The following SOS1 variants were observed in gnomAD, a reference collection of about 807,000 sequenced individuals.
The protein encoded by SOS1 is son of sevenless homolog 1.
SOS1 carries 25 observed loss-of-function variants against 157.6 expected under a neutral mutation model. The ratio of observed to expected loss-of-function variants is 0.16; its 90% CI spans 0.12 to 0.22. SOS1 has a LOEUF of 0.22. Ranked by LOEUF, SOS1 falls within the 10% of genes least tolerant of loss-of-function variation. The pLI, the probability that SOS1 is intolerant of heterozygous loss-of-function variation, is 1.00. For missense variants in SOS1, 1,237 were observed against 1,599.1 expected, an observed-to-expected ratio of 0.77 and a Z score of 3.86; for synonymous variants, 528 against 534.0, an observed-to-expected ratio of 0.99 and a Z score of 0.16.
chr2:39,067,861 G>A, intron 1 of SOS1, 108 bp from the exon 2 acceptor site: 1 of 945,712 alleles, frequency 1.1e-6, no homozygotes, highest in Non-Finnish European at 1.7e-6. Flanking sequence ...GCTCATGCCT[G>A]TAATGCCAGC....
At chr2:39,000,768 A>T (rs145683928) in intron 17 of SOS1, among the ~76,000 whole-genome samples, 1 of 152,172 alleles carries the variant, frequency 6.6e-6, no homozygotes, top group African/African-American at 2.4e-5. Flanking sequence ...TTATCTGTCT[A>T]TTCTTAGCAT....
intron 15 of SOS1, among the ~76,000 whole-genome samples, chr2:39,008,425 T>C (rs1041020039): frequency 6.6e-6 from 1 of 152,208 alleles, no homozygotes; most frequent in Non-Finnish European, 1.5e-5. Flanking sequence ...TAGCTCCTAA[T>C]TTCTTGTCAT....
At chr2:39,102,756 C>G (rs1673019881) in intron 1 of SOS1, among the ~76,000 whole-genome samples, 1 of 151,856 alleles carries the variant, frequency 6.6e-6, no homozygotes, top group Non-Finnish European at 1.5e-5. Context: ...ACCATCCTGG[C>G]CAACAAGGCA....
chr2:39,063,539 T>G (rs1361032205), intron 2 of SOS1, among the ~76,000 whole-genome samples: 1 of 152,236 alleles, frequency 6.6e-6, no homozygotes, highest in Admixed American at 6.5e-5. Flanking sequence ...CGATTAGTGA[T>G]TATTGGCTAC....
chr2:38,990,358 G>A (rs996689084), intron 20 of SOS1, among the ~76,000 whole-genome samples: 1 of 152,054 alleles, frequency 6.6e-6, no homozygotes, highest in Non-Finnish European at 1.5e-5. Flanking sequence ...TGATTCCTAA[G>A]TGTAGCAATC....
chr2:39,013,330 T>G, intron 13 of SOS1, 130 bp downstream of exon 13: 1 of 689,238 alleles, frequency 1.5e-6, no homozygotes, highest in Admixed American at 2.5e-5. Flanking sequence ...AATTTTTAAC[T>G]TTTTGAAATG....
At chr2:39,024,237 C>CCAT (rs2124539894) in intron 8 of SOS1, 100 bp from the exon 9 acceptor site, 1 of 1,010,396 alleles carries the variant, frequency 9.9e-7, no homozygotes, top group Non-Finnish European at 1.5e-6. Context: ...TCAACTGTCA[C>CCAT]AATAAAAATT....
chr2:39,043,380 T>C (rs1670641619), intron 6 of SOS1, among the ~76,000 whole-genome samples: 1 of 152,242 alleles, frequency 6.6e-6, no homozygotes, highest in Non-Finnish European at 1.5e-5. Context: ...TATCTGAGAA[T>C]GTCTCATAGT....
At chr2:39,108,513 CTAATCCT>C (rs145213094) in intron 1 of SOS1, among the ~76,000 whole-genome samples, 10,086 of 152,222 alleles carry the variant, frequency 0.066, 439 homozygotes, top group East Asian at 0.19. Context: ...TTATTTCCTC[CTAATCCT>C]TAACTGGCTA....
chr2:39,089,709 C>T lies in SOS1; in HGVS notation c.88-21956G>A, dbSNP rs181489554. 1.2e-4 allele frequency among the ~76,000 whole-genome samples: 18 copies of T among 152,262 alleles called. No individual in the cohort carries two copies. The East Asian group carries it at 3.3e-3, about 28-fold the overall frequency. On this transcript the variant is annotated intron_variant, in intron 1 of 22. Transcript: ENST00000402219. ...GGGCAGTGACTGTCTCACTTATCTT[C>T]ATATCCTAACACTTCCCATGTTCAT...
At chr2:39,073,814 C>G (rs570084766) in intron 1 of SOS1, among the ~76,000 whole-genome samples, 2 of 152,300 alleles carry the variant, frequency 1.3e-5, no homozygotes, top group African/African-American at 4.8e-5. Context: ...CCCTTGCTAG[C>G]TAATGGCTTT....
chr2:39,052,539 T>A (rs1283110547), intron 5 of SOS1, among the ~76,000 whole-genome samples: 1 of 152,214 alleles, frequency 6.6e-6, no homozygotes, highest in East Asian at 1.9e-4. Flanking sequence ...TTCTAGAATA[T>A]TAAATAAATG....
At chr2:39,086,417 C>G (rs554398752) in intron 1 of SOS1, among the ~76,000 whole-genome samples, 3 of 152,234 alleles carry the variant, frequency 2.0e-5, no homozygotes, top group East Asian at 3.9e-4. Flanking sequence ...GGAGAGGGAA[C>G]AAGAGATCAA....
chr2:39,097,136 C>T (rs1672798307), intron 1 of SOS1, among the ~76,000 whole-genome samples: 1 of 152,002 alleles, frequency 6.6e-6, no homozygotes, highest in Admixed American at 6.6e-5. Context: ...TGACAGGAGA[C>T]AAGCCTACGG....
At chr2:39,028,952 A>T (rs1052550157) in intron 8 of SOS1, among the ~76,000 whole-genome samples, 1 of 152,244 alleles carries the variant, frequency 6.6e-6, no homozygotes, top group Admixed American at 6.5e-5. Flanking sequence ...TTGATTTACT[A>T]GCCCTCTTAG....
chr2:39,122,453 C>T (rs1243162211), upstream of SOS1, among the ~76,000 whole-genome samples: 1 of 149,560 alleles, frequency 6.7e-6, no homozygotes, highest in African/African-American at 2.5e-5. Context: ...AATATACACA[C>T]ACACACACAC....
At position 39,067,635 on chromosome 2, in the gene SOS1, T is replaced by G. The variant is rs1558497933; in HGVS notation, c.206A>C (p.Asp69Ala). Reference protein sequence around the residue: ...LCQAQPRSASDVEERVQKSFP... With the variant: ...LCQAQPRSASAVEERVQKSFP... ...AGACAACATTTGTCATACCTCTACA[T>G]CTGAAGCACTTCGGGGCTGAGCTTG... Residue 69 changes from aspartate to alanine, a missense_variant, in exon 2 of 23, where the codon GAT (aspartate) becomes GCT (alanine). By Grantham distance (126) the Asp-to-Ala change is moderately radical. Around this residue, in one of 15 missense-constraint regions of SOS1, gnomAD observed 99 missense variants for 81.6 expected, o/e 1.21. Transcript: ENST00000402219. The G allele has an allele frequency of 6.2e-7, 1 of 1,613,412 alleles. No homozygotes were observed. The highest frequency in any genetic ancestry group is 1.7e-5 in the Admixed American group (1 of 59,998).
At chr2:39,090,724 CAAAA>C (rs1470254644) in intron 1 of SOS1, among the ~76,000 whole-genome samples, 1 of 151,880 alleles carries the variant, frequency 6.6e-6, no homozygotes, top group African/African-American at 2.4e-5. Flanking sequence ...AACAAACAAA[CAAAA>C]ACTTTAGTGC....
chr2:39,080,278 C>T (rs1308851340), intron 1 of SOS1, among the ~76,000 whole-genome samples: 1 of 151,956 alleles, frequency 6.6e-6, no homozygotes, highest in East Asian at 1.9e-4. Context: ...TCACAACAGG[C>T]TCCTGAGAAT....
Sources: allele counts gnomAD v4.1 joint callset (sites outside exome capture counted in the v4.1 genomes callset), GRCh38; gene constraint gnomAD v4.1.1; regional missense constraint gnomAD v4.1.1; transcripts MANE v1.5; gene names NCBI Gene and HGNC (gene_info 2026-07-23, HGNC 2026-07-21).